Variants in ATXN7L1 observed in about 807,000 individuals in gnomAD.
ATXN7L1 encodes the protein ataxin-7-like protein 1.
In ATXN7L1, 15 loss-of-function variants were observed where a neutral mutation model predicts 70.8. The ratio of observed to expected loss-of-function variants is 0.21; its 90% CI spans 0.14 to 0.33. ATXN7L1 has a LOEUF of 0.33. ATXN7L1 is among the 10% of genes least tolerant of loss of function. The pLI is 1.00. For synonymous variants in ATXN7L1, 440 were observed against 445.1 expected (o/e 0.99, Z 0.14); for missense variants, 975 against 1,097.1 (o/e 0.89, Z 1.57).
chr7:105,672,468 T>C (rs1228857931), intron 3 of ATXN7L1, among the ~76,000 whole-genome samples: 2 of 152,250 alleles, frequency 1.3e-5, no homozygotes, highest in Non-Finnish European at 2.9e-5. Context: ...CAATCATTAA[T>C]GTGCTGTAGA....
chr7:105,666,376 A>G (rs1802616400), intron 3 of ATXN7L1, among the ~76,000 whole-genome samples: 1 of 152,236 alleles, frequency 6.6e-6, no homozygotes, highest in African/African-American at 2.4e-5. Flanking sequence ...AATCTGGCTG[A>G]ATTTGATAAT....
intron 2 of ATXN7L1, among the ~76,000 whole-genome samples, chr7:105,852,829 T>G (rs1207538546): frequency 1.3e-5 from 2 of 151,958 alleles, no homozygotes; most frequent in Non-Finnish European, 2.9e-5. Flanking sequence ...ATTGGATAAA[T>G]AAAATGTCAA....
intron 7 of ATXN7L1, among the ~76,000 whole-genome samples, chr7:105,631,618 C>T (rs1236466588): frequency 3.3e-5 from 5 of 152,192 alleles, no homozygotes; most frequent in Non-Finnish European, 5.9e-5. Flanking sequence ...AGGTGTGTGC[C>T]ACCACACCCA....
chr7:105,682,315 G>C (rs1423129832), intron 3 of ATXN7L1, among the ~76,000 whole-genome samples: 1 of 152,164 alleles, frequency 6.6e-6, no homozygotes, highest in African/African-American at 2.4e-5. Flanking sequence ...AGAACTGTAC[G>C]TTAAAAATTA....
At chr7:105,831,416 T>G (rs1585106166) in intron 2 of ATXN7L1, among the ~76,000 whole-genome samples, 2 of 152,184 alleles carry the variant, frequency 1.3e-5, no homozygotes, top group African/African-American at 4.8e-5. Context: ...AATTTCCAAC[T>G]CTGTGGGCTG....
At chr7:105,817,102 G>A (rs952407451) in intron 2 of ATXN7L1, among the ~76,000 whole-genome samples, 3 of 152,190 alleles carry the variant, frequency 2.0e-5, no homozygotes, top group African/African-American at 7.2e-5. Context: ...CCAAGGCCTG[G>A]GAGCAGGATG....
intron 3 of ATXN7L1, among the ~76,000 whole-genome samples, chr7:105,722,823 T>C (rs1227862485): frequency 6.6e-6 from 1 of 151,998 alleles, no homozygotes; most frequent in Admixed American, 6.6e-5. Flanking sequence ...AAGTGGAGGT[T>C]GCAGTGAGCT....
chr7:105,706,403 C>A (rs1793170584), intron 3 of ATXN7L1, among the ~76,000 whole-genome samples: 1 of 152,004 alleles, frequency 6.6e-6, no homozygotes, highest in African/African-American at 2.4e-5. Flanking sequence ...ACCATGTTGG[C>A]CAGGCTGGTC....
At chr7:105,663,596 T>G (rs576408193) in intron 4 of ATXN7L1, among the ~76,000 whole-genome samples, 3 of 152,272 alleles carry the variant, frequency 2.0e-5, no homozygotes, top group East Asian at 3.9e-4. Flanking sequence ...AGCATAGAGG[T>G]GCTGTCAGAA....
At position 105,662,053 on chromosome 7, in the gene ATXN7L1, TC is replaced by T. The variant is rs1562967411; in HGVS notation, c.578+3012del. 4.1e-5 allele frequency among the ~76,000 whole-genome samples: 4 copies of T among 97,024 alleles called. No homozygotes were observed. The East Asian group carries it at 2.9e-3, about 72-fold the overall frequency. The allele number at this position is 97,024 out of a possible 152,430, so 63.7% of individuals were successfully genotyped here. The stretch of plus-strand genomic sequence containing the variant: ...TTCCTTCCTTCCTTCCTTCCTTCCT[TC>T]CTTCCTTCCTTCCTTCCTTCCTTCC... On this transcript the variant is annotated intron_variant, in intron 4 of 11. Coordinates refer to ENST00000419735, the MANE Select transcript of ATXN7L1 (RefSeq NM_020725.2).
chr7:105,723,605 C>T (rs973409468), intron 3 of ATXN7L1, among the ~76,000 whole-genome samples: 1 of 152,160 alleles, frequency 6.6e-6, no homozygotes, highest in South Asian at 2.1e-4. Flanking sequence ...TAAGATGAGG[C>T]TGCCCACCCT....
At chr7:105,842,432 T>C (rs900131329) in intron 2 of ATXN7L1, among the ~76,000 whole-genome samples, 9 of 152,224 alleles carry the variant, frequency 5.9e-5, no homozygotes, top group Admixed American at 4.6e-4. Context: ...GATTGCCCTA[T>C]TCTGAATGTT....
intron 3 of ATXN7L1, among the ~76,000 whole-genome samples, chr7:105,677,169 T>C (rs1349711889): frequency 6.6e-6 from 1 of 152,172 alleles, no homozygotes; most frequent in Non-Finnish European, 1.5e-5. Context: ...TCTGTGATTT[T>C]TTAAAAGGTC....
chr7:105,613,368 C>T (rs1793344589), intron 10 of ATXN7L1: 3 of 456,720 alleles, frequency 6.6e-6, no homozygotes, highest in South Asian at 8.7e-5. Flanking sequence ...CACCCGGGAG[C>T]CGGGCACAGG....
At chr7:105,734,420 T>G (rs1167853667) in intron 3 of ATXN7L1, among the ~76,000 whole-genome samples, 1 of 152,216 alleles carries the variant, frequency 6.6e-6, no homozygotes, top group African/African-American at 2.4e-5. Flanking sequence ...GCGAGGCCAA[T>G]CTGCCATCAC....
At chr7:105,611,072 C>T (rs1054733270) in intron 10 of ATXN7L1, among the ~76,000 whole-genome samples, 1 of 152,246 alleles carries the variant, frequency 6.6e-6, no homozygotes, top group Non-Finnish European at 1.5e-5. Flanking sequence ...TTTGCTGGGT[C>T]AGTTTTCCCG....
intron 3 of ATXN7L1, among the ~76,000 whole-genome samples, chr7:105,677,208 T>G (rs1804815318): frequency 6.6e-6 from 1 of 152,200 alleles, no homozygotes; most frequent in Non-Finnish European, 1.5e-5. Context: ...TCCATGAGCT[T>G]CGGGAGTCAC....
chr7:105,685,572 G>T (rs1806082948), intron 3 of ATXN7L1, among the ~76,000 whole-genome samples: 3 of 152,174 alleles, frequency 2.0e-5, no homozygotes, highest in Admixed American at 6.5e-5. Context: ...AGAAAAAGGA[G>T]TGGGTCTTCC....
chr7:105,767,052 C>T (rs189009065), intron 3 of ATXN7L1, among the ~76,000 whole-genome samples: 51 of 152,260 alleles, frequency 3.3e-4, no homozygotes, highest in Non-Finnish European at 2.2e-4. Flanking sequence ...AGCAAGGGTT[C>T]CAGATGACAG....
Sources: allele counts gnomAD v4.1 joint callset (sites outside exome capture counted in the v4.1 genomes callset), GRCh38; gene constraint gnomAD v4.1.1; transcripts MANE v1.5; gene names NCBI Gene and HGNC (gene_info 2026-07-23, HGNC 2026-07-21).